PIGG: variants seen among roughly 807,000 people sequenced by gnomAD.
The protein encoded by PIGG is phosphatidylinositol glycan anchor biosynthesis class G (EMM blood group).
A neutral mutation model predicts 83.2 loss-of-function variants in PIGG; 70 were observed. The ratio of observed to expected loss-of-function variants is 0.84; its 90% CI spans 0.69 to 1.03. The LOEUF is 1.03. Ranked by LOEUF, PIGG falls within the 50% of genes least tolerant of loss-of-function variation. PIGG has a pLI of 0.00. For missense variants in PIGG, 1,257 were observed against 1,233.6 expected, an observed-to-expected ratio of 1.02 and a Z score of -0.28; for synonymous variants, 532 against 519.5, an observed-to-expected ratio of 1.02 and a Z score of -0.33.
At chr4:520,450 G>GC (rs1725452160) in intron 6 of PIGG, among the ~76,000 whole-genome samples, 2 of 151,768 alleles carry the variant, frequency 1.3e-5, no homozygotes, top group South Asian at 4.2e-4. Flanking sequence ...GCCCAGCAGA[G>GC]CTCACCCTTG....
Position 501,229 on chromosome 4 carries a change from A to G in PIGG, c.360+628A>G, listed in dbSNP as rs183001840. The G allele has an allele frequency of 3.6e-5, 16 of 443,916 alleles. No individual in the cohort carries two copies. In the Admixed American group the frequency reaches 4.0e-4, roughly 11 times the overall value. 27.5% of individuals were successfully genotyped at this position (443,916 alleles called of 1,614,324 possible). ...GCAACGACTATGTGGTGATACTTCA[A>G]TGGGTATGCAATTGGGGAAAAAATA... is the stretch of plus-strand genomic sequence containing the variant. On this transcript the variant is annotated intron_variant, in intron 2 of 12. Transcript: ENST00000453061.
chr4:519,448 A>G (rs4380466), intron 6 of PIGG, among the ~76,000 whole-genome samples: 27,651 of 152,154 alleles, frequency 0.18, 3,286 homozygotes, highest in African/African-American at 0.34. Flanking sequence ...CCAGGGTGGT[A>G]GGTGTAGCAA....
Position 507,528 on chromosome 4 carries a change from AT to A in PIGG, c.696del (p.Ile232MetfsTer5). 6.2e-7 allele frequency: 1 copy of A among 1,614,216 alleles called. No homozygotes were observed. The highest frequency in any genetic ancestry group is 1.1e-5 in the South Asian group (1 of 91,088). The part of the protein sequence containing the change: ...GHISGPNSPL[I>X]GQKLSEMDSV... ...CATTTCAGGGCCCAACAGCCCCCTGATTGGGCAGAAGCTGAGCGAGATGGAC... is the reference window on the plus strand; with the variant it reads ...CATTTCAGGGCCCAACAGCCCCCTGATGGGCAGAAGCTGAGCGAGATGGAC... On this transcript the variant is annotated frameshift_variant, in exon 4 of 13. Coordinates refer to ENST00000453061, the MANE Select transcript of PIGG (RefSeq NM_001127178.3). LOFTEE classifies it high-confidence loss of function.
Position 530,636 on chromosome 4 carries a change from T to A in PIGG, c.2462T>A (p.Leu821His). 1 of 1,613,758 alleles carries A rather than the reference T, an allele frequency of 6.2e-7. No individual in the cohort carries two copies. The highest frequency in any genetic ancestry group is 1.7e-5 in the Admixed American group (1 of 60,024). ...AATCTTCCGGTCTTAGCATTTAGCC[T>A]CTTGATTCAGACTCTAATGACTAAA... ...PHNLPVLAFS[L>H]LIQTLMTKFI... The change falls in exon 11 of 13, where the codon CTC becomes CAC. Residue 821 changes from leucine (L) to histidine (H), a missense_variant. Coordinates refer to ENST00000453061, the MANE Select transcript of PIGG (RefSeq NM_001127178.3).
intron 12 of PIGG, among the ~76,000 whole-genome samples, chr4:534,355 C>T (rs974909101): frequency 2.0e-5 from 3 of 152,238 alleles, no homozygotes; most frequent in Non-Finnish European, 4.4e-5. Flanking sequence ...CGTCCTTCCC[C>T]TTTGGGGACA....
intron 1 of PIGG, chr4:500,116 T>C: frequency 2.5e-6 from 1 of 406,106 alleles, no homozygotes; most frequent in African/African-American, 2.0e-5. Context: ...AAATGTCCCA[T>C]TCCAGGACCC....
At chr4:532,866 G>A (rs1024065057) in intron 11 of PIGG, 3 of 152,946 alleles carry the variant, frequency 2.0e-5, no homozygotes, top group Non-Finnish European at 2.9e-5. Flanking sequence ...AGTAAAGATG[G>A]AGCGTGGGGA....
At chr4:525,266 G>C in intron 9 of PIGG, 1 of 985,272 alleles carries the variant, frequency 1.0e-6, no homozygotes. Flanking sequence ...TTCAAGCAAG[G>C]CTCGAAATAA....
At position 499,297 on chromosome 4, in the gene PIGG, A is replaced by T. The variant is rs1403210517; in HGVS notation, c.-39A>T. ...CGCGGCTGCAGCAGGGCGAGGCTCCAGGTGGGGTCGGTTCCGCATCCAGCC... is the reference window on the plus strand; with the variant it reads ...CGCGGCTGCAGCAGGGCGAGGCTCCTGGTGGGGTCGGTTCCGCATCCAGCC... On this transcript the variant is annotated 5_prime_UTR_variant, in exon 1 of 13. Coordinates refer to ENST00000453061, the MANE Select transcript of PIGG (RefSeq NM_001127178.3). 1 of 1,594,712 alleles carries T rather than the reference A, an allele frequency of 6.3e-7. No homozygotes were observed. The highest frequency in any genetic ancestry group is 8.5e-7 in the Non-Finnish European group (1 of 1,176,122).
At position 539,261 on chromosome 4, in the gene PIGG, G is replaced by T; in HGVS notation, c.2844G>T (p.Trp948Cys). Residue 948 changes from tryptophan (W) to cysteine (C), a missense_variant, in exon 13 of 13, where the codon TGG (tryptophan) becomes TGT (cysteine). Coordinates refer to ENST00000453061, the MANE Select transcript of PIGG (RefSeq NM_001127178.3). ...VTSLRYHLFI[W>C]SVFSPKLLYE... ...CTCTGCGTTATCATTTATTTATATG[G>T]AGTGTATTTTCTCCAAAACTTCTCT... 6.2e-7 allele frequency: 1 copy of T among 1,611,742 alleles called. No individual in the cohort carries two copies. The highest frequency in any genetic ancestry group is 8.5e-7 in the Non-Finnish European group (1 of 1,177,878).
chr4:535,249 C>A (rs1056806905), intron 12 of PIGG, among the ~76,000 whole-genome samples: 1 of 152,112 alleles, frequency 6.6e-6, no homozygotes, highest in African/African-American at 2.4e-5. Context: ...ATCTGTAAAA[C>A]GGGAGTTGCT....
At chr4:501,066 T>G (rs781874495) in intron 2 of PIGG, 1 of 454,830 alleles carries the variant, frequency 2.2e-6, no homozygotes, top group Non-Finnish European at 4.4e-6. Context: ...TGTTCCGGCC[T>G]CAACAATTAC....
intron 9 of PIGG, among the ~76,000 whole-genome samples, chr4:524,137 A>G (rs1217065740): frequency 6.6e-6 from 1 of 152,234 alleles, no homozygotes. Flanking sequence ...GGTTTCATTT[A>G]TTAGTGCTGA....
At chr4:527,002 T>G (rs747444899) in intron 9 of PIGG, 37 bp from the exon 10 acceptor site, 12 of 1,613,350 alleles carry the variant, frequency 7.4e-6, no homozygotes, top group Admixed American at 6.7e-5. Flanking sequence ...TGTCGCTGTT[T>G]GTTTACGTAA....
intron 9 of PIGG, among the ~76,000 whole-genome samples, chr4:526,347 A>C (rs895551204): frequency 6.6e-6 from 1 of 152,200 alleles, no homozygotes; most frequent in Non-Finnish European, 1.5e-5. Flanking sequence ...AGTGAAAGAA[A>C]CAGAAGGGAG....
chr4:530,096 A>G (rs1728648349), intron 10 of PIGG, among the ~76,000 whole-genome samples: 3 of 152,112 alleles, frequency 2.0e-5, no homozygotes, highest in Admixed American at 1.3e-4. Flanking sequence ...GTTTTTTTTA[A>G]TTAACTGCAA....
At chr4:525,116 T>C in intron 9 of PIGG, 2 of 884,182 alleles carry the variant, frequency 2.3e-6, no homozygotes, top group South Asian at 1.0e-4. Flanking sequence ...GCTTTGCCCT[T>C]AGCAAAGCTC....
At chr4:526,450 C>T (rs1024946703) in intron 9 of PIGG, among the ~76,000 whole-genome samples, 1 of 152,232 alleles carries the variant, frequency 6.6e-6, no homozygotes, top group South Asian at 2.1e-4. Flanking sequence ...TCTGACAGGC[C>T]GTCAACCTCT....
chr4:521,554 G>T, intron 7 of PIGG, 106 bp from the exon 8 acceptor site: 1 of 1,101,842 alleles, frequency 9.1e-7, no homozygotes, highest in Non-Finnish European at 1.3e-6. Context: ...TTGCTTTTCT[G>T]TTTTTACTGT....
Sources: gnomAD v4.1 joint callset for allele counts (sites outside exome capture counted in the v4.1 genomes callset) on GRCh38, gnomAD v4.1.1 for gene constraint, MANE v1.5 for transcripts, NCBI Gene and HGNC (gene_info 2026-07-23, HGNC 2026-07-21) for gene names.